Variants in PTPRQ observed in about 807,000 individuals in gnomAD.
PTPRQ encodes the protein protein tyrosine phosphatase receptor type Q.
PTPRQ carries 199 observed loss-of-function variants against 246.0 expected under a neutral mutation model. The observed-to-expected ratio is 0.81, with a 90% CI of 0.72 to 0.91. PTPRQ has a LOEUF of 0.91. Ranked by LOEUF, PTPRQ falls within the 40% of genes least tolerant of loss-of-function variation. The pLI, the probability that PTPRQ is intolerant of heterozygous loss-of-function variation, is 0.00. For synonymous variants in PTPRQ, 869 were observed against 853.2 expected (o/e 1.02, Z -0.32); for missense variants, 2,624 against 2,528.4 (o/e 1.04, Z -0.81).
At chr12:80,535,106 A>G in intron 19 of PTPRQ, 69 bp downstream of exon 19, 1 of 1,379,574 alleles carries the variant, frequency 7.2e-7, no homozygotes, top group Non-Finnish European at 9.6e-7. Flanking sequence ...CAGACTTGTC[A>G]CAGTAAAAGA....
In PTPRQ at chr12:80,539,899, G is replaced by A. The variant is rs1896100383; in HGVS notation, c.3109G>A (p.Gly1037Arg). ...AACAGCAAGTACTTCAGTTGGAAAT[G>A]GGAATAAAAGCAGTGACATCATTGA... ...WLTASTSVGNGNKSSDIIEVY... is the reference protein window; with the variant it reads ...WLTASTSVGNRNKSSDIIEVY... The change falls in exon 20 of 45, where the codon GGG becomes AGG. Residue 1037 changes from glycine to arginine, a missense_variant. Gly to Arg is a moderately radical substitution (Grantham distance 125). Coordinates refer to ENST00000644991, the MANE Select transcript of PTPRQ (RefSeq NM_001145026.2). 2.6e-6 allele frequency: 4 copies of A among 1,548,746 alleles called. No individual in the cohort carries two copies. The highest frequency in any genetic ancestry group is 3.5e-6 in the Non-Finnish European group (4 of 1,145,534).
At chr12:80,447,757 A>T (rs1892598159) in intron 3 of PTPRQ, among the ~76,000 whole-genome samples, 1 of 151,998 alleles carries the variant, frequency 6.6e-6, no homozygotes, top group Admixed American at 6.6e-5. Flanking sequence ...CCATTAAAGT[A>T]TATCTGTATT....
chr12:80,607,913 C>G (rs1322295841), intron 27 of PTPRQ, among the ~76,000 whole-genome samples: 1 of 150,744 alleles, frequency 6.6e-6, no homozygotes, highest in African/African-American at 2.4e-5. Context: ...ACATAAAGCT[C>G]TGCTGTCAGG....
chr12:80,467,861 G>T (rs4600281), intron 6 of PTPRQ, among the ~76,000 whole-genome samples: 28,252 of 151,922 alleles, frequency 0.19, 2,823 homozygotes, highest in Middle Eastern at 0.22. Flanking sequence ...CTGTTGTGGG[G>T]TGGGGGCAGG....
intron 12 of PTPRQ, 26 bp downstream of exon 12, chr12:80,495,397 T>TGTC (rs1366830715): frequency 6.7e-7 from 1 of 1,491,606 alleles, no homozygotes; most frequent in Non-Finnish European, 8.9e-7. Context: ...TTGTTGTTGT[T>TGTC]GTTGTTGTTC....
Position 80,632,217 on chromosome 12 carries a change from A to G in PTPRQ, c.5712A>G (p.Val1904=), listed in dbSNP as rs545737542. 6.4e-7 allele frequency: 1 copy of G among 1,551,106 alleles called. No individual in the cohort carries two copies. Among genetic ancestry groups the G allele is most frequent in the East Asian group, 2.4e-5 (1 of 40,866 alleles). Residue 1904 remains valine, a synonymous_variant, in exon 34 of 45, where the codon GTA becomes GTG. Coordinates refer to ENST00000644991, the MANE Select transcript of PTPRQ (RefSeq NM_001145026.2). ...GGGAAGGACTTTCAGAAAGAACCGTAGAGATCATTCTTTCCGTCACTTTGT... is the reference window on the plus strand; with the variant it reads ...GGGAAGGACTTTCAGAAAGAACCGTGGAGATCATTCTTTCCGTCACTTTGT... ...TLGEGLSERT[V]EIILSVTLCI... is the part of the protein sequence containing the mutation.
chr12:80,608,032 T>C (rs1898393808), intron 27 of PTPRQ, among the ~76,000 whole-genome samples: 2 of 150,716 alleles, frequency 1.3e-5, no homozygotes, highest in African/African-American at 4.8e-5. Context: ...AAGTTCCTGT[T>C]ATGGGAGGAA....
intron 17 of PTPRQ, among the ~76,000 whole-genome samples, chr12:80,521,003 C>T (rs1393810285): frequency 1.3e-5 from 2 of 151,854 alleles, no homozygotes; most frequent in African/African-American, 4.8e-5. Context: ...CCTATTTCTC[C>T]ACATCCTCTC....
intron 26 of PTPRQ, among the ~76,000 whole-genome samples, chr12:80,604,821 G>GA (rs1284165202): frequency 6.6e-6 from 1 of 151,378 alleles, no homozygotes; most frequent in African/African-American, 2.4e-5. Context: ...TTAAAATAAT[G>GA]AACTTATGAT....
rs761585287 is a variant in PTPRQ, at chr12:80,549,642, C to T, written c.4193C>T (p.Ala1398Val). 6 of 1,551,028 alleles carry T rather than the reference C, an allele frequency of 3.9e-6. No homozygotes were observed. Among genetic ancestry groups the T allele is most frequent in the Non-Finnish European group, 3.5e-6 (4 of 1,146,580 alleles). The change falls in exon 25 of 45, where the codon GCC becomes GTC. Residue 1398 changes from alanine (A) to valine (V), a missense_variant. Ala to Val is a moderately conservative substitution (Grantham distance 64). Coordinates refer to ENST00000644991, the MANE Select transcript of PTPRQ (RefSeq NM_001145026.2). ...ATGTACACTTTCATAAAGCTTCTTG[C>T]CAATACCTCATATGTCTTTAAAGTA... ...DHMYTFIKLL[A>V]NTSYVFKVRA...
chr12:80,457,853 T>C (rs1893027060), intron 4 of PTPRQ, among the ~76,000 whole-genome samples: 2 of 152,076 alleles, frequency 1.3e-5, no homozygotes, highest in Admixed American at 1.3e-4. Flanking sequence ...AATGTTATCT[T>C]ACAAAACTTT....
chr12:80,621,287 G>C (rs916194838), intron 32 of PTPRQ, among the ~76,000 whole-genome samples: 6 of 151,792 alleles, frequency 4.0e-5, no homozygotes, highest in African/African-American at 1.5e-4. Context: ...ATACTACCAA[G>C]TATCATGTTT....
intron 25 of PTPRQ, among the ~76,000 whole-genome samples, chr12:80,575,872 A>G (rs1429015096): frequency 2.0e-5 from 3 of 151,318 alleles, no homozygotes; most frequent in Admixed American, 6.6e-5. Flanking sequence ...AAAGAAAAAG[A>G]AAAAGAAAAG....
At chr12:80,640,315 A>G (rs1284934675) in intron 35 of PTPRQ, among the ~76,000 whole-genome samples, 1 of 152,166 alleles carries the variant, frequency 6.6e-6, no homozygotes, top group African/African-American at 2.4e-5. Context: ...ATAACTCATA[A>G]TTTTTGACTG....
chr12:80,558,650 G>A (rs1896734070), intron 25 of PTPRQ, among the ~76,000 whole-genome samples: 2 of 152,010 alleles, frequency 1.3e-5, no homozygotes, highest in Admixed American at 1.3e-4. Flanking sequence ...GCACTGAGGA[G>A]CACATTGCTG....
At chr12:80,613,383 C>G (rs983487032) in intron 28 of PTPRQ, among the ~76,000 whole-genome samples, 42 of 150,680 alleles carry the variant, frequency 2.8e-4, no homozygotes, top group African/African-American at 8.7e-4. Flanking sequence ...GCATATAAAA[C>G]AAACAAACTG....
intron 25 of PTPRQ, chr12:80,583,573 T>A (rs958381105): frequency 2.0e-5 from 3 of 152,170 alleles, no homozygotes; most frequent in African/African-American, 7.2e-5. Context: ...AGATGTTGAG[T>A]TTCCCTTGCT....
intron 20 of PTPRQ, among the ~76,000 whole-genome samples, 173 bp downstream of exon 20, chr12:80,540,117 T>C (rs1264053062): frequency 6.6e-6 from 1 of 152,088 alleles, no homozygotes. Flanking sequence ...AATAGCCTCT[T>C]CTGTTCAAGA....
rs911799424 is a variant in PTPRQ at position 80,462,160 on chromosome 12, C to A, written c.910+1258C>A. 3 of 248,392 alleles carry A rather than the reference C, an allele frequency of 1.2e-5. No individual in the cohort carries two copies. In the East Asian group the frequency reaches 1.9e-4, roughly 16 times the overall value. The allele number at this position is 248,392 out of a possible 1,614,324, so 15.4% of individuals were successfully genotyped here. On this transcript the variant is annotated intron_variant, in intron 6 of 44. Coordinates refer to ENST00000644991, the MANE Select transcript of PTPRQ (RefSeq NM_001145026.2). Reference sequence around the variant, plus strand: ...CCTGGAAAATCCAGTCACTCCCACCCGAATACTGCGCTTTTCCGACAGGCT... The same window carrying A: ...CCTGGAAAATCCAGTCACTCCCACCAGAATACTGCGCTTTTCCGACAGGCT...
Sources: gnomAD v4.1 joint callset for allele counts (sites outside exome capture counted in the v4.1 genomes callset) on GRCh38, gnomAD v4.1.1 for gene constraint, MANE v1.5 for transcripts, NCBI Gene and HGNC (gene_info 2026-07-23, HGNC 2026-07-21) for gene names.